EFNA5: variants seen among roughly 807,000 people sequenced by gnomAD.
EFNA5 encodes ephrin A5, also known as ephrin-A5.
EFNA5 carries 5 observed loss-of-function variants against 22.9 expected under a neutral mutation model. That is an observed-to-expected ratio of 0.22 (90% CI 0.11 to 0.46). The LOEUF is 0.46. EFNA5 is among the 20% of genes least tolerant of loss of function. The pLI, the probability that EFNA5 is intolerant of heterozygous loss-of-function variation, is 0.99. For synonymous variants in EFNA5, 113 were observed against 112.2 expected (o/e 1.01, Z -0.04); for missense variants, 237 against 293.3 (o/e 0.81, Z 1.40).
At chr5:107,649,993 G>C (rs1411052978) in intron 1 of EFNA5, among the ~76,000 whole-genome samples, 2 of 152,110 alleles carry the variant, frequency 1.3e-5, no homozygotes, top group Non-Finnish European at 2.9e-5. Context: ...AGCATCATGG[G>C]CCAGCCCTTG....
At chr5:107,525,546 A>G (rs1185146935) in intron 1 of EFNA5, among the ~76,000 whole-genome samples, 1 of 152,208 alleles carries the variant, frequency 6.6e-6, no homozygotes, top group East Asian at 1.9e-4. Context: ...ATTAACACAT[A>G]TTGTATTTTT....
intron 1 of EFNA5, among the ~76,000 whole-genome samples, chr5:107,651,100 A>G (rs1208940218): frequency 1.3e-5 from 2 of 152,136 alleles, no homozygotes; most frequent in Non-Finnish European, 2.9e-5. Context: ...CCCCAAGGTC[A>G]CCCTTCAACA....
intron 1 of EFNA5, among the ~76,000 whole-genome samples, chr5:107,476,423 T>A (rs905859141): frequency 7.2e-5 from 11 of 152,072 alleles, no homozygotes; most frequent in African/African-American, 2.7e-4. Context: ...CCTTTACACA[T>A]CTGTATTTTC....
At chr5:107,491,572 A>G (rs1746807869) in intron 1 of EFNA5, among the ~76,000 whole-genome samples, 1 of 152,104 alleles carries the variant, frequency 6.6e-6, no homozygotes, top group Non-Finnish European at 1.5e-5. Flanking sequence ...TGGCCTCCCA[A>G]AGTGCTGGGA....
chr5:107,545,656 C>T (rs947586677), intron 1 of EFNA5, among the ~76,000 whole-genome samples: 3 of 152,112 alleles, frequency 2.0e-5, no homozygotes, highest in Admixed American at 6.6e-5. Context: ...TGGAGCTCCT[C>T]GGCAACTTGT....
Position 107,379,547 on chromosome 5 carries a change from C to CAG in EFNA5, c.*1707_*1708insCT, listed in dbSNP as rs1747374993. Reference sequence around the variant, plus strand: ...TTTCTGTTGACATGTCGTGCAAAGCCAAAAAAAAAAAAAAAAAAAGGGCTG... The same window carrying CAG: ...TTTCTGTTGACATGTCGTGCAAAGCCAGAAAAAAAAAAAAAAAAAAAGGGCTG... On this transcript the variant is annotated 3_prime_UTR_variant, in exon 5 of 5. Coordinates refer to ENST00000333274, the MANE Select transcript of EFNA5 (RefSeq NM_001962.3). The CAG allele has an allele frequency of 9.2e-6, 1 of 108,890 alleles. No homozygotes were observed. Among genetic ancestry groups the CAG allele is most frequent in the Non-Finnish European group, 1.8e-5 (1 of 55,430 alleles). The allele number at this position is 108,890 out of a possible 1,614,324, so 6.7% of individuals were successfully genotyped here.
At chr5:107,552,676 C>T (rs1748324731) in intron 1 of EFNA5, among the ~76,000 whole-genome samples, 1 of 152,182 alleles carries the variant, frequency 6.6e-6, no homozygotes, top group Non-Finnish European at 1.5e-5. Flanking sequence ...GGCTTCATCT[C>T]ATCAGGGAGC....
chr5:107,471,590 TA>T (rs2112386409), intron 1 of EFNA5, among the ~76,000 whole-genome samples: 1 of 152,320 alleles, frequency 6.6e-6, no homozygotes, highest in South Asian at 2.1e-4. Flanking sequence ...CAGTTGATGA[TA>T]GAAACATTAA....
chr5:107,540,976 G>A (rs112686198), intron 1 of EFNA5, among the ~76,000 whole-genome samples: 11 of 152,118 alleles, frequency 7.2e-5, no homozygotes, highest in African/African-American at 1.7e-4. Flanking sequence ...GCATGGTGGC[G>A]TGGGCCTGTA....
At chr5:107,489,870 C>T (rs1445217311) in intron 1 of EFNA5, among the ~76,000 whole-genome samples, 1 of 152,198 alleles carries the variant, frequency 6.6e-6, no homozygotes. Flanking sequence ...GCTAGGAATG[C>T]AACATCCTGA....
At chr5:107,591,943 T>TATATAA (rs1749353117) in intron 1 of EFNA5, among the ~76,000 whole-genome samples, 1 of 18,814 alleles carries the variant, frequency 5.3e-5, no homozygotes, top group African/African-American at 5.9e-4. Flanking sequence ...AATATATATA[T>TATATAA]TATATATAAT....
chr5:107,525,993 C>A (rs1186729853), intron 1 of EFNA5, among the ~76,000 whole-genome samples: 1 of 152,032 alleles, frequency 6.6e-6, no homozygotes, highest in Non-Finnish European at 1.5e-5. Context: ...TTATACTGTA[C>A]TATAGAAGAT....
chr5:107,656,961 A>C (rs357109), intron 1 of EFNA5, among the ~76,000 whole-genome samples: 1 of 152,010 alleles, frequency 6.6e-6, no homozygotes, highest in African/African-American at 2.4e-5. Context: ...AAACAAATTT[A>C]AAGTTTGATC....
intron 2 of EFNA5, among the ~76,000 whole-genome samples, chr5:107,395,432 G>A (rs1346936837): frequency 6.6e-6 from 1 of 151,978 alleles, no homozygotes; most frequent in African/African-American, 2.4e-5. Flanking sequence ...ATGTGAGTGG[G>A]GAAATCTAGT....
chr5:107,406,087 ACC>A (rs1265844315), intron 2 of EFNA5, among the ~76,000 whole-genome samples: 2 of 126,246 alleles, frequency 1.6e-5, no homozygotes, highest in African/African-American at 5.7e-5. Flanking sequence ...GTATACAAAT[ACC>A]TATATTTGTA....
chr5:107,430,045 C>T (rs139104021), intron 1 of EFNA5, among the ~76,000 whole-genome samples: 22 of 152,258 alleles, frequency 1.4e-4, no homozygotes, highest in African/African-American at 5.3e-4. Context: ...GGATCCCAAA[C>T]TACATAACCA....
Position 107,559,329 on chromosome 5 carries a change from T to C in EFNA5, c.125+111160A>G, listed in dbSNP as rs1258907557. On this transcript the variant is annotated intron_variant, in intron 1 of 4. Transcript: ENST00000333274. ...GTGACTCTTCTTCTTAAACCATCAT[T>C]TGACTCTTTCATATATATCTGTCTA... Among the ~76,000 whole-genome samples, 7 of 152,314 alleles carry C rather than the reference T, an allele frequency of 4.6e-5. No homozygotes were observed. In the South Asian group the frequency reaches 8.3e-4, roughly 18 times the overall value.
In EFNA5 at chr5:107,622,972, G is replaced by A. The variant is rs1274634030; in HGVS notation, c.125+47517C>T. 4.0e-5 allele frequency among the ~76,000 whole-genome samples: 5 copies of A among 125,836 alleles called. No homozygotes were observed. The East Asian group carries it at 1.3e-3, about 33-fold the overall frequency. The allele number at this position is 125,836 out of a possible 152,430, so 82.6% of individuals were successfully genotyped here. A position where few individuals can be genotyped will look rare whatever the true frequency, so the allele number is the denominator to read the frequency against. ...GGAAGCGGAGCTTGCAGTGAGCCGA[G>A]ATTGCGCCACTGCAGTCCGCAGTCC... On this transcript the variant is annotated intron_variant, in intron 1 of 4. Coordinates refer to ENST00000333274, the MANE Select transcript of EFNA5 (RefSeq NM_001962.3).
At chr5:107,536,642 G>T (rs1049379213) in intron 1 of EFNA5, among the ~76,000 whole-genome samples, 2 of 152,108 alleles carry the variant, frequency 1.3e-5, no homozygotes, top group Non-Finnish European at 2.9e-5. Context: ...AAGGCAGAAG[G>T]TATTTATTTA....
Sources: gnomAD v4.1 joint callset for allele counts (sites outside exome capture counted in the v4.1 genomes callset) on GRCh38, gnomAD v4.1.1 for gene constraint, MANE v1.5 for transcripts, NCBI Gene and HGNC (gene_info 2026-07-23, HGNC 2026-07-21) for gene names.